SLC35D1: variants seen among roughly 807,000 people sequenced by gnomAD.
SLC35D1 encodes solute carrier family 35 member D1, also known as nucleotide sugar transporter SLC35D1.
SLC35D1 carries 31 observed loss-of-function variants against 46.7 expected under a neutral mutation model. The observed-to-expected ratio is 0.66, with a 90% CI of 0.50 to 0.90. The LOEUF (loss-of-function observed/expected upper bound fraction) is 0.90, where lower values mean the gene tolerates loss of function less well. Ranked by LOEUF, SLC35D1 falls within the 40% of genes least tolerant of loss-of-function variation. The pLI, the probability that SLC35D1 is intolerant of heterozygous loss-of-function variation, is 0.00. For synonymous variants in SLC35D1, 195 were observed against 164.6 expected (o/e 1.18, Z -1.41); for missense variants, 397 against 426.2 (o/e 0.93, Z 0.60).
chr1:67,052,062 T>G lies in SLC35D1; in HGVS notation c.342A>C (p.Leu114=). 6.2e-7 allele frequency: 1 copy of G among 1,608,924 alleles called. No individual in the cohort carries two copies. ...NVPRKTFPLP[L]LYFGNQITGL... The stretch of plus-strand genomic sequence containing the variant: ...CCGTGATTTGGTTCCCAAAATATAG[T>G]AGAGGTAGTGGAAACGTCTAGAAAA... Residue 114 remains leucine, a synonymous_variant, in exon 4 of 12, where the codon CTA becomes CTC. Coordinates refer to ENST00000235345, the MANE Select transcript of SLC35D1 (RefSeq NM_015139.3).
At chr1:66,988,113 T>TGTGTGCTGATGACCCTA in the SLC35D1 span, 33,086 of 152,214 alleles carry the variant, frequency 0.22, 3,933 homozygotes, top group Non-Finnish European at 0.25. Flanking sequence ...AATATTTACA[T>TGTGTGCTGATGACCCTA]GGGGTGTGTA....
the SLC35D1 span, chr1:66,986,144 T>C: frequency 8.6e-7 from 1 of 1,163,836 alleles, no homozygotes; most frequent in Non-Finnish European, 1.1e-6. Context: ...AAAGTGAAGT[T>C]TGAAAACTTT....
At chr1:67,016,081 TA>T (rs1340283679) in intron 10 of SLC35D1, among the ~76,000 whole-genome samples, 1 of 152,074 alleles carries the variant, frequency 6.6e-6, no homozygotes, top group Admixed American at 6.5e-5. Context: ...TGGAAATCAT[TA>T]AAAAAATGGT....
At chr1:67,020,305 T>C in intron 10 of SLC35D1, 64 bp downstream of exon 10, 1 of 1,085,876 alleles carries the variant, frequency 9.2e-7, no homozygotes, top group Admixed American at 1.7e-5. Context: ...AACAGACTCT[T>C]ATCTTAAAGG....
the SLC35D1 span, among the ~76,000 whole-genome samples, chr1:66,977,181 C>T: frequency 9.9e-5 from 15 of 151,910 alleles, no homozygotes; most frequent in African/African-American, 3.6e-4. Flanking sequence ...GCAATCTCAG[C>T]TCCCTGCAGC....
the SLC35D1 span, chr1:66,986,422 T>A: frequency 6.2e-7 from 1 of 1,613,384 alleles, no homozygotes; most frequent in Non-Finnish European, 8.5e-7. Flanking sequence ...AAATGCTTCT[T>A]CCAGTTCATT....
At chr1:66,980,455 C>T in the SLC35D1 span, among the ~76,000 whole-genome samples, 1 of 152,156 alleles carries the variant, frequency 6.6e-6, no homozygotes, top group Non-Finnish European at 1.5e-5. Flanking sequence ...TCAGGTATCA[C>T]ATCCCTATAT....
At chr1:66,997,774 T>C (rs1667258488), downstream of SLC35D1, among the ~76,000 whole-genome samples, 1 of 147,128 alleles carries the variant, frequency 6.8e-6, no homozygotes, top group African/African-American at 2.5e-5. Flanking sequence ...TAAATATATA[T>C]ATTAATTTAA....
chr1:67,009,971 T>C (rs958211775), intron 10 of SLC35D1, among the ~76,000 whole-genome samples: 3 of 152,176 alleles, frequency 2.0e-5, no homozygotes, highest in Non-Finnish European at 4.4e-5. Context: ...TAAGAAAATG[T>C]GGTACATATA....
the SLC35D1 span, among the ~76,000 whole-genome samples, chr1:66,981,052 T>G: frequency 1.3e-5 from 2 of 150,830 alleles, no homozygotes; most frequent in Non-Finnish European, 2.9e-5. Flanking sequence ...TATGAAACAT[T>G]TTTATGTACA....
Position 67,053,819 on chromosome 1 carries a change from G to A in SLC35D1, c.195C>T (p.Thr65=). The stretch of plus-strand genomic sequence containing the variant: ...CGCCGCCTCGGCCCTACCTGTAATT[G>A]GTGAGCACGCTCTTATTCACCACCA... ...LIVVVNKSVL[T]NYRFPSSLCV... The change falls in exon 1 of 12, where the codon ACC becomes ACT. Residue 65 remains threonine (T), a synonymous_variant. Transcript: ENST00000235345. The A allele has an allele frequency of 6.2e-7, 1 of 1,610,150 alleles. No individual in the cohort carries two copies. Among genetic ancestry groups the A allele is most frequent in the Non-Finnish European group, 8.5e-7 (1 of 1,178,246 alleles).
At position 67,020,351 on chromosome 1, in the gene SLC35D1, C is replaced by T. The variant is rs373086951; in HGVS notation, c.876+18G>A. 6.0e-6 allele frequency: 9 copies of T among 1,501,066 alleles called. No homozygotes were observed. The highest frequency in any genetic ancestry group is 8.4e-6 in the Non-Finnish European group (9 of 1,077,292). The allele number at this position is 1,501,066 out of a possible 1,614,324, so 93.0% of individuals were successfully genotyped here. A position where few individuals can be genotyped will look rare whatever the true frequency, so the allele number is the denominator to read the frequency against. On this transcript the variant is annotated intron_variant, in intron 10 of 11. Coordinates refer to ENST00000235345, the MANE Select transcript of SLC35D1 (RefSeq NM_015139.3). ...AAATAATGCAGGTACCAAAAGCTAA[C>T]AGTATTTTTCTACTTACCTTAATAC...
chr1:67,030,924 CAG>C (rs1668005905), intron 8 of SLC35D1, among the ~76,000 whole-genome samples: 1 of 152,162 alleles, frequency 6.6e-6, no homozygotes, highest in Non-Finnish European at 1.5e-5. Flanking sequence ...ACCTGTGGGA[CAG>C]AAAGGCCAGA....
At chr1:67,043,821 T>C (rs1311727084) in intron 7 of SLC35D1, among the ~76,000 whole-genome samples, 6 of 152,148 alleles carry the variant, frequency 3.9e-5, no homozygotes, top group Admixed American at 3.9e-4. Context: ...AGTCCACCTT[T>C]GATTCACACA....
intron 8 of SLC35D1, among the ~76,000 whole-genome samples, chr1:67,022,608 G>A (rs536078385): frequency 6.6e-6 from 1 of 152,278 alleles, no homozygotes; most frequent in East Asian, 1.9e-4. Flanking sequence ...TCTACAGAAT[G>A]AACTCCCTGA....
chr1:66,994,469 C>T (rs1667218009), downstream of SLC35D1, among the ~76,000 whole-genome samples: 1 of 152,022 alleles, frequency 6.6e-6, no homozygotes, highest in South Asian at 2.1e-4. Context: ...CATGATGAAA[C>T]CCTGTCTCTA....
At chr1:66,995,881 C>T (rs991806061), downstream of SLC35D1, among the ~76,000 whole-genome samples, 2 of 152,042 alleles carry the variant, frequency 1.3e-5, no homozygotes, top group African/African-American at 4.8e-5. Flanking sequence ...AAAATATTCA[C>T]CGAAAAAAAT....
chr1:67,033,575 A>G (rs1199188192), intron 8 of SLC35D1, among the ~76,000 whole-genome samples: 3 of 152,132 alleles, frequency 2.0e-5, no homozygotes, highest in Admixed American at 6.5e-5. Flanking sequence ...TTTTAATCAG[A>G]TTACTAGATT....
At chr1:67,046,789 G>C (rs1049668781) in intron 7 of SLC35D1, among the ~76,000 whole-genome samples, 7 of 152,178 alleles carry the variant, frequency 4.6e-5, no homozygotes, top group African/African-American at 1.7e-4. Context: ...AGGAAACACT[G>C]TGTTGCCCCT....
Sources: allele counts gnomAD v4.1 joint callset (sites outside exome capture counted in the v4.1 genomes callset), GRCh38; gene constraint gnomAD v4.1.1; transcripts MANE v1.5; gene names NCBI Gene and HGNC (gene_info 2026-07-23, HGNC 2026-07-21).